Variants in NRXN3 observed in about 807,000 individuals in gnomAD.
NRXN3 encodes the protein neurexin III.
Under a neutral mutation model 137.6 loss-of-function variants are expected in NRXN3, and 32 were observed. That is an observed-to-expected ratio of 0.23 (90% CI 0.18 to 0.31). The LOEUF (loss-of-function observed/expected upper bound fraction) is 0.31. NRXN3 is among the 10% of genes least tolerant of loss of function. The probability of loss-of-function intolerance (pLI) is 1.00; values close to 1 mark genes in which losing one functional copy is unlikely to be tolerated. For synonymous variants in NRXN3, 798 were observed against 784.5 expected, an observed-to-expected ratio of 1.02 and a Z score of -0.29; for missense variants, 1,574 against 2,062.5, an observed-to-expected ratio of 0.76 and a Z score of 4.59.
intron 10 of NRXN3, among the ~76,000 whole-genome samples, chr14:78,810,776 C>T (rs2098908151): frequency 6.6e-6 from 1 of 152,222 alleles, no homozygotes; most frequent in Admixed American, 6.5e-5. Flanking sequence ...TGGCTGCCAA[C>T]TCTGACATTT....
At chr14:79,522,183 G>A (rs10133502) in intron 16 of NRXN3, among the ~76,000 whole-genome samples, 58,717 of 152,026 alleles carry the variant, frequency 0.39, 15,213 homozygotes, top group African/African-American at 0.73. Context: ...ATGCACAGGG[G>A]AAAAGGTAGA....
At chr14:79,630,165 A>C (rs1456698823) in intron 16 of NRXN3, among the ~76,000 whole-genome samples, 1 of 152,170 alleles carries the variant, frequency 6.6e-6, no homozygotes, top group African/African-American at 2.4e-5. Context: ...AGCTCACTGG[A>C]ATAGCAATTT....
At chr14:79,167,997 A>C (rs1261856194) in intron 15 of NRXN3, among the ~76,000 whole-genome samples, 1 of 150,100 alleles carries the variant, frequency 6.7e-6, no homozygotes, top group Non-Finnish European at 1.5e-5. Context: ...TGGAGAAACC[A>C]GCCCATAACT....
chr14:79,007,202 T>G (rs2099554813), intron 15 of NRXN3, among the ~76,000 whole-genome samples: 1 of 152,226 alleles, frequency 6.6e-6, no homozygotes, highest in South Asian at 2.1e-4. Context: ...TTGGTGGTTT[T>G]GTTTAAATTC....
intron 19 of NRXN3, among the ~76,000 whole-genome samples, chr14:79,778,854 G>T (rs2099105619): frequency 6.6e-6 from 1 of 152,106 alleles, no homozygotes. Context: ...GCACTTCTTG[G>T]GCTTCTTCTA....
At chr14:79,188,880 G>A (rs1347958194) in intron 15 of NRXN3, among the ~76,000 whole-genome samples, 2 of 152,042 alleles carry the variant, frequency 1.3e-5, no homozygotes, top group Non-Finnish European at 2.9e-5. Context: ...TAAAAAGTCA[G>A]GAAACAACAG....
intron 15 of NRXN3, among the ~76,000 whole-genome samples, chr14:79,196,009 C>T (rs992839272): frequency 3.3e-5 from 5 of 152,132 alleles, no homozygotes; most frequent in Admixed American, 1.3e-4. Flanking sequence ...CTCAGATTTG[C>T]CTCACACCCA....
At chr14:79,747,312 C>T (rs1292447638) in intron 19 of NRXN3, among the ~76,000 whole-genome samples, 5 of 151,922 alleles carry the variant, frequency 3.3e-5, no homozygotes, top group African/African-American at 7.3e-5. Context: ...GACTTTTAAA[C>T]CAGACGGTGA....
At chr14:79,009,648 T>A (rs1241354521) in intron 15 of NRXN3, among the ~76,000 whole-genome samples, 1 of 152,158 alleles carries the variant, frequency 6.6e-6, no homozygotes, top group African/African-American at 2.4e-5. Flanking sequence ...TGTGGTAAAA[T>A]TCTGTCCTTT....
At chr14:78,851,630 C>T (rs1231136310) in intron 10 of NRXN3, among the ~76,000 whole-genome samples, 3 of 152,170 alleles carry the variant, frequency 2.0e-5, no homozygotes, top group Non-Finnish European at 4.4e-5. Context: ...AGTCGTCTCC[C>T]AGACTCTACC....
chr14:78,943,611 A>T (rs1381984579), intron 10 of NRXN3, among the ~76,000 whole-genome samples: 1 of 18,974 alleles, frequency 5.3e-5, no homozygotes, highest in Non-Finnish European at 8.3e-5. Flanking sequence ...GATCACTGTT[A>T]AAAAAAAAAA....
At chr14:78,424,026 T>C (rs916762616) in intron 4 of NRXN3, among the ~76,000 whole-genome samples, 10 of 152,168 alleles carry the variant, frequency 6.6e-5, no homozygotes, top group African/African-American at 2.2e-4. Context: ...GAAATGCATT[T>C]AGCGGGGGTT....
At chr14:79,741,563 C>T (rs2098963171) in intron 19 of NRXN3, among the ~76,000 whole-genome samples, 1 of 152,006 alleles carries the variant, frequency 6.6e-6, no homozygotes, top group South Asian at 2.1e-4. Flanking sequence ...TGGCTTACTG[C>T]AACCTCCGTC....
intron 1 of NRXN3, among the ~76,000 whole-genome samples, chr14:78,187,245 T>C (rs921822678): frequency 6.8e-6 from 1 of 146,162 alleles, no homozygotes; most frequent in East Asian, 2.0e-4. Context: ...ATCTGAGAGA[T>C]GTTTTGGTGG....
chr14:78,456,358 G>C (rs917335189), intron 4 of NRXN3, among the ~76,000 whole-genome samples: 3 of 152,152 alleles, frequency 2.0e-5, no homozygotes, highest in Non-Finnish European at 2.9e-5. Flanking sequence ...GGTTTACTTA[G>C]CTCTCTGTGC....
chr14:79,135,223 C>T (rs570486562), intron 15 of NRXN3, among the ~76,000 whole-genome samples: 89 of 152,246 alleles, frequency 5.8e-4, no homozygotes, highest in African/African-American at 1.8e-3. Flanking sequence ...TGTAACCTCA[C>T]AAACAAATGC....
At chr14:79,518,868 G>A (rs1230510116) in intron 16 of NRXN3, among the ~76,000 whole-genome samples, 1 of 152,078 alleles carries the variant, frequency 6.6e-6, no homozygotes, top group African/African-American at 2.4e-5. Context: ...ACACTGAATG[G>A]TCTGGTCCTT....
At chr14:79,537,856 G>A (rs1003402597) in intron 16 of NRXN3, among the ~76,000 whole-genome samples, 5 of 152,140 alleles carry the variant, frequency 3.3e-5, no homozygotes, top group Non-Finnish European at 7.3e-5. Context: ...AGATCCCTGA[G>A]GAATCGCCAC....
intron 15 of NRXN3, among the ~76,000 whole-genome samples, chr14:79,333,930 A>G (rs2092016661): frequency 1.3e-5 from 2 of 152,172 alleles, no homozygotes; most frequent in South Asian, 2.1e-4. Flanking sequence ...TTTAAAGCCA[A>G]ATATGAATAC....
Sources: gnomAD v4.1 joint callset for allele counts (sites outside exome capture counted in the v4.1 genomes callset) on GRCh38, gnomAD v4.1.1 for gene constraint, MANE v1.5 for transcripts, NCBI Gene and HGNC (gene_info 2026-07-23, HGNC 2026-07-21) for gene names.